The following GPC5 variants were observed in gnomAD, a reference collection of about 807,000 sequenced individuals.
GPC5 encodes glypican 5.
GPC5 carries 47 observed loss-of-function variants against 53.9 expected under a neutral mutation model. The observed-to-expected ratio is 0.87, with a 90% confidence interval of 0.69 to 1.11. The LOEUF (loss-of-function observed/expected upper bound fraction) is 1.11, where lower values mean the gene tolerates loss of function less well. Ranked by LOEUF, GPC5 falls within the 50% of genes most tolerant of loss-of-function variation. The pLI is 0.00. For missense variants in GPC5, 748 were observed against 713.1 expected (o/e 1.05, Z -0.56); for synonymous variants, 286 against 263.3 (o/e 1.09, Z -0.84).
chr13:91,779,121 A>C (rs1406285354), intron 5 of GPC5, among the ~76,000 whole-genome samples: 1 of 151,886 alleles, frequency 6.6e-6, no homozygotes, highest in Admixed American at 6.6e-5. Flanking sequence ...ACATTACTGT[A>C]CACTACTGTA....
chr13:91,573,277 C>G (rs1026378857), intron 2 of GPC5, among the ~76,000 whole-genome samples: 8 of 152,178 alleles, frequency 5.3e-5, no homozygotes, highest in South Asian at 4.1e-4. Context: ...ATCAGTGGTG[C>G]AAGCACATTT....
intron 5 of GPC5, among the ~76,000 whole-genome samples, chr13:91,831,648 CTAATATATCAT>C (rs2038660782): frequency 6.6e-6 from 1 of 151,424 alleles, no homozygotes; most frequent in Non-Finnish European, 1.5e-5. Flanking sequence ...AGAATGATGA[CTAATATATCAT>C]TAATCCTAAA....
At chr13:91,603,238 G>A (rs1458801685) in intron 2 of GPC5, among the ~76,000 whole-genome samples, 1 of 152,218 alleles carries the variant, frequency 6.6e-6, no homozygotes, top group Non-Finnish European at 1.5e-5. Context: ...AAGAAAGGCT[G>A]AATGTGAAAT....
intron 7 of GPC5, among the ~76,000 whole-genome samples, chr13:92,631,157 C>T (rs1333673): frequency 0.39 from 59,012 of 151,588 alleles, 12,215 homozygotes; most frequent in East Asian, 0.71. Context: ...ACATTAAAAT[C>T]GTTGAGATAA....
intron 6 of GPC5, among the ~76,000 whole-genome samples, chr13:91,950,241 C>T (rs141283376): frequency 6.6e-6 from 1 of 150,782 alleles, no homozygotes; most frequent in Non-Finnish European, 1.5e-5. Flanking sequence ...CAGAATTTTT[C>T]CCTGAATTTT....
chr13:92,305,516 A>G (rs889862087), intron 7 of GPC5, among the ~76,000 whole-genome samples: 26 of 152,114 alleles, frequency 1.7e-4, no homozygotes, highest in African/African-American at 5.8e-4. Flanking sequence ...CAGAGTTATT[A>G]TGGAAATTTC....
At chr13:91,670,053 G>C (rs1019975896) in intron 2 of GPC5, among the ~76,000 whole-genome samples, 1 of 152,152 alleles carries the variant, frequency 6.6e-6, no homozygotes, top group African/African-American at 2.4e-5. Flanking sequence ...GATTAGAATG[G>C]CCTTCCGTGG....
intron 5 of GPC5, among the ~76,000 whole-genome samples, chr13:91,850,238 C>A (rs1281458055): frequency 6.6e-6 from 1 of 151,978 alleles, no homozygotes; most frequent in African/African-American, 2.4e-5. Flanking sequence ...ACAATAAAAC[C>A]ATCACTATAT....
chr13:91,971,937 A>G (rs1196224385), intron 6 of GPC5, among the ~76,000 whole-genome samples: 5 of 152,094 alleles, frequency 3.3e-5, no homozygotes, highest in Non-Finnish European at 7.3e-5. Context: ...AAAAATGTAT[A>G]TTCTGTTGAT....
At chr13:92,541,280 A>G (rs1158298426) in intron 7 of GPC5, among the ~76,000 whole-genome samples, 3 of 152,004 alleles carry the variant, frequency 2.0e-5, no homozygotes, top group Non-Finnish European at 4.4e-5. Context: ...AGGTACTACA[A>G]GATGAATGGT....
At chr13:91,588,629 C>G (rs55967676) in intron 2 of GPC5, among the ~76,000 whole-genome samples, 11,509 of 152,114 alleles carry the variant, frequency 0.076, 445 homozygotes, top group Non-Finnish European at 0.086. Flanking sequence ...TACATCTTCA[C>G]CTATCCTTTC....
intron 7 of GPC5, among the ~76,000 whole-genome samples, chr13:92,650,861 A>G (rs930255338): frequency 1.3e-5 from 2 of 152,136 alleles, no homozygotes; most frequent in African/African-American, 4.8e-5. Context: ...TTGCATAGGT[A>G]TACGTGTGCC....
intron 7 of GPC5, among the ~76,000 whole-genome samples, chr13:92,277,164 CAATTCTGTTTCAT>C (rs771128046): frequency 1.4e-4 from 21 of 151,862 alleles, no homozygotes; most frequent in Non-Finnish European, 2.1e-4. Flanking sequence ...AATAGTTTCA[CAATTCTGTTTCAT>C]ATTTTCTTCA....
intron 7 of GPC5, among the ~76,000 whole-genome samples, chr13:92,837,046 A>G (rs908943525): frequency 1.3e-5 from 2 of 152,174 alleles, no homozygotes; most frequent in African/African-American, 4.8e-5. Flanking sequence ...TAGGCACATT[A>G]TGGAAGAGAC....
intron 7 of GPC5, among the ~76,000 whole-genome samples, chr13:92,840,604 G>C (rs11619029): frequency 0.13 from 19,742 of 151,904 alleles, 1,652 homozygotes; most frequent in African/African-American, 0.24. Context: ...GAATCCCTAT[G>C]AGTTTTAGAA....
At chr13:92,692,039 T>A (rs1034755251) in intron 7 of GPC5, among the ~76,000 whole-genome samples, 7 of 152,150 alleles carry the variant, frequency 4.6e-5, no homozygotes, top group Non-Finnish European at 2.9e-5. Context: ...CCCTCCCCCA[T>A]CTAATAGTCT....
In GPC5 at chr13:92,153,997, G is replaced by A. The variant is rs116242130; in HGVS notation, c.1561+9008G>A. 6.9e-3 allele frequency among the ~76,000 whole-genome samples: 1,058 copies of A among 152,294 alleles called. 10 individuals are homozygous for A. The highest frequency in any genetic ancestry group is 0.024 in the African/African-American group (1,011 of 41,552). On this transcript the variant is annotated intron_variant, in intron 7 of 7. Transcript: ENST00000377067. Reference sequence around the variant, plus strand: ...AAGTATCTAAGGCTGGATAATTTATGAAGTAAGGAGGTTCATTTTGGCTCA... The same window carrying A: ...AAGTATCTAAGGCTGGATAATTTATAAAGTAAGGAGGTTCATTTTGGCTCA...
chr13:91,661,868 T>G (rs2034995052), intron 2 of GPC5, among the ~76,000 whole-genome samples: 1 of 152,204 alleles, frequency 6.6e-6, no homozygotes, highest in African/African-American at 2.4e-5. Flanking sequence ...CCTGTGGGAC[T>G]TTTTAAGAAC....
At chr13:91,413,296 C>A (rs967102601) in intron 1 of GPC5, among the ~76,000 whole-genome samples, 1 of 151,624 alleles carries the variant, frequency 6.6e-6, no homozygotes, top group African/African-American at 2.4e-5. Flanking sequence ...AACGAAAAAC[C>A]AAAATGAACA....
Sources: allele counts gnomAD v4.1 joint callset (sites outside exome capture counted in the v4.1 genomes callset), GRCh38; gene constraint gnomAD v4.1.1; transcripts MANE v1.5; gene names NCBI Gene and HGNC (gene_info 2026-07-23, HGNC 2026-07-21).